Variants in RAD18 observed in about 807,000 individuals in gnomAD.
RAD18 encodes E3 ubiquitin-protein ligase RAD18.
In RAD18, 47 loss-of-function variants were observed where a neutral mutation model predicts 60.4. That is an observed-to-expected ratio of 0.78 (90% CI 0.62 to 0.99). The LOEUF is 0.99. Ranked by LOEUF, RAD18 falls within the 50% of genes least tolerant of loss-of-function variation. The probability of loss-of-function intolerance (pLI) is 0.00; values close to 1 mark genes in which losing one functional copy is unlikely to be tolerated. For missense variants in RAD18, 640 were observed against 593.3 expected, an observed-to-expected ratio of 1.08 and a Z score of -0.82; for synonymous variants, 225 against 195.5, an observed-to-expected ratio of 1.15 and a Z score of -1.26.
At chr3:8,947,185 A>G (rs560223897) in intron 4 of RAD18, 35 bp downstream of exon 4, 2 of 1,505,344 alleles carry the variant, frequency 1.3e-6, no homozygotes, top group Non-Finnish European at 1.8e-6. Flanking sequence ...AAAAGGCAAA[A>G]GTAGTTAGAG....
intron 9 of RAD18, among the ~76,000 whole-genome samples, chr3:8,910,395 T>G (rs341775): frequency 0.7 from 106,007 of 151,798 alleles, 37,484 homozygotes; most frequent in Middle Eastern, 0.76. Flanking sequence ...GGTCAGGAGA[T>G]CGAGACCATC....
chr3:8,956,248 G>C (rs1941007481), intron 2 of RAD18, among the ~76,000 whole-genome samples: 1 of 152,046 alleles, frequency 6.6e-6, no homozygotes, highest in East Asian at 1.9e-4. Context: ...CTTGTGCTTT[G>C]GGGCTACTAT....
intron 3 of RAD18, among the ~76,000 whole-genome samples, 174 bp from the exon 4 acceptor site, chr3:8,947,464 A>C (rs1287152613): frequency 6.6e-6 from 1 of 152,344 alleles, no homozygotes; most frequent in East Asian, 1.9e-4. Context: ...ATTTTAAAAC[A>C]GTGAATCAGT....
At chr3:8,960,021 T>A (rs367662032) in intron 1 of RAD18, among the ~76,000 whole-genome samples, 38 of 152,286 alleles carry the variant, frequency 2.5e-4, no homozygotes, top group African/African-American at 8.7e-4. Flanking sequence ...AGTAAGAATG[T>A]ATTCTAATAG....
At chr3:8,937,466 G>C (rs934760134) in intron 6 of RAD18, among the ~76,000 whole-genome samples, 4 of 150,994 alleles carry the variant, frequency 2.6e-5, no homozygotes, top group African/African-American at 9.9e-5. Flanking sequence ...ATACATTTAA[G>C]GGGCCTCAGA....
intron 4 of RAD18, among the ~76,000 whole-genome samples, chr3:8,944,615 G>A (rs183145629): frequency 2.0e-5 from 3 of 149,268 alleles, no homozygotes; most frequent in African/African-American, 7.4e-5. Flanking sequence ...AAAGGAGGAG[G>A]GAGGGAGAAA....
chr3:8,901,099 G>A (rs1244602057), intron 10 of RAD18, among the ~76,000 whole-genome samples: 1 of 152,104 alleles, frequency 6.6e-6, no homozygotes, highest in African/African-American at 2.4e-5. Flanking sequence ...TTAGTCACTA[G>A]GGAAATGCAA....
chr3:8,920,597 A>G (rs1324997812), intron 7 of RAD18, among the ~76,000 whole-genome samples: 2 of 152,218 alleles, frequency 1.3e-5, no homozygotes, highest in East Asian at 3.8e-4. Flanking sequence ...CAGGCCTGAT[A>G]TCACAAATGA....
chr3:8,915,463 G>A (rs1026712103), intron 7 of RAD18, among the ~76,000 whole-genome samples: 1 of 152,096 alleles, frequency 6.6e-6, no homozygotes, highest in African/African-American at 2.4e-5. Flanking sequence ...CTATCTCTGG[G>A]TAAGATCTCA....
intron 7 of RAD18, among the ~76,000 whole-genome samples, chr3:8,915,329 G>A (rs558488387): frequency 1.6e-4 from 24 of 152,178 alleles, no homozygotes; most frequent in Non-Finnish European, 2.6e-4. Context: ...GAATCCATCA[G>A]AGCTAAAGTA....
At chr3:8,898,755 A>G (rs1044594394) in intron 11 of RAD18, 139 bp downstream of exon 11, 8 of 711,102 alleles carry the variant, frequency 1.1e-5, no homozygotes, top group Non-Finnish European at 1.7e-5. Context: ...AAGAAGACCC[A>G]GCAGTAAAAG....
In RAD18 at chr3:8,884,520, T is replaced by C. The variant is rs372979014; in HGVS notation, c.1386-3061A>G. On this transcript the variant is annotated intron_variant, in intron 12 of 12. Transcript: ENST00000264926. ...TTTACTTATTTGACTTCTGACTCTT[T>C]TTAAGGCTTAAGTTTTAGTGGGATG... Among the ~76,000 whole-genome samples, 11 of 152,366 alleles carry C rather than the reference T, an allele frequency of 7.2e-5. No individual in the cohort carries two copies. The East Asian group carries it at 1.2e-3, about 16-fold the overall frequency.
At chr3:8,921,725 T>C (rs1940323778) in intron 7 of RAD18, among the ~76,000 whole-genome samples, 3 of 151,672 alleles carry the variant, frequency 2.0e-5, no homozygotes, top group Admixed American at 1.3e-4. Flanking sequence ...ATGAAGTTTT[T>C]TCAGGCAAAA....
chr3:8,962,048 C>T (rs1214268311), intron 1 of RAD18, among the ~76,000 whole-genome samples: 2 of 152,184 alleles, frequency 1.3e-5, no homozygotes, highest in African/African-American at 4.8e-5. Flanking sequence ...TTCAATCAAG[C>T]AGCAAATAAT....
At chr3:8,914,522 A>G (rs1940161722) in intron 7 of RAD18, among the ~76,000 whole-genome samples, 1 of 152,198 alleles carries the variant, frequency 6.6e-6, no homozygotes, top group Admixed American at 6.5e-5. Flanking sequence ...CTATTTCTGT[A>G]TATGTTTGAA....
In RAD18 at chr3:8,941,520, T is replaced by C; in HGVS notation, c.551A>G (p.Glu184Gly). 6.2e-7 allele frequency: 1 copy of C among 1,614,024 alleles called. No homozygotes were observed. Among genetic ancestry groups the C allele is most frequent in the Non-Finnish European group, 8.5e-7 (1 of 1,179,954 alleles). Residue 184 changes from glutamate (E) to glycine (G), a missense_variant, in exon 5 of 13, where the codon GAG (glutamate) becomes GGG (glycine). Transcript: ENST00000264926. ...CGAGGGTGGCTCAGGACGCTTAGCCTCTGAGGGATCTGGAGCGATCTCTTC... is the reference window on the plus strand; with the variant it reads ...CGAGGGTGGCTCAGGACGCTTAGCCCCTGAGGGATCTGGAGCGATCTCTTC... ...SVEEIAPDPS[E>G]AKRPEPPSTS...
chr3:8,959,115 C>A, intron 1 of RAD18, 114 bp from the exon 2 acceptor site: 7 of 792,080 alleles, frequency 8.8e-6, no homozygotes, highest in Non-Finnish European at 1.1e-5. Context: ...GTCAAATACA[C>A]AAATTCAAAA....
At chr3:8,932,909 A>C (rs1340040621) in intron 7 of RAD18, among the ~76,000 whole-genome samples, 2 of 152,132 alleles carry the variant, frequency 1.3e-5, no homozygotes, top group Non-Finnish European at 2.9e-5. Flanking sequence ...TAGCCTGGCC[A>C]ATATGGTGAA....
intron 12 of RAD18, chr3:8,890,054 G>T: frequency 3.3e-6 from 1 of 301,168 alleles, no homozygotes; most frequent in Non-Finnish European, 6.4e-6. Flanking sequence ...TACCATCTAG[G>T]TAAGTATACT....
Sources: gnomAD v4.1 joint callset for allele counts (sites outside exome capture counted in the v4.1 genomes callset) on GRCh38, gnomAD v4.1.1 for gene constraint, MANE v1.5 for transcripts, NCBI Gene and HGNC (gene_info 2026-07-23, HGNC 2026-07-21) for gene names.